Variants in ALDH1A1 observed in about 807,000 individuals in gnomAD.
ALDH1A1 encodes aldehyde dehydrogenase 1A1.
In ALDH1A1, 19 loss-of-function variants were observed where a neutral mutation model predicts 62.1. The observed-to-expected ratio is 0.31, with a 90% CI of 0.21 to 0.45. The LOEUF (loss-of-function observed/expected upper bound fraction) is 0.45. Ranked by LOEUF, ALDH1A1 falls within the 20% of genes least tolerant of loss-of-function variation. ALDH1A1 has a pLI of 1.00. For missense variants in ALDH1A1, 521 were observed against 607.1 expected (o/e 0.86, Z 1.49); for synonymous variants, 231 against 215.9 (o/e 1.07, Z -0.61).
intron 11 of ALDH1A1, among the ~76,000 whole-genome samples, chr9:72,908,434 CAAAAAAAAAAAAAAA>C (rs386415096): frequency 0.047 from 118 of 2,488 alleles, 4 homozygotes; most frequent in African/African-American, 0.15. Flanking sequence ...GACTCCAGCT[CAAAAAAAAAAAAAAA>C]AAAAAAAAAA....
Position 72,906,009 on chromosome 9 carries a change from C to G in ALDH1A1, c.1382G>C (p.Ser461Thr). ...GAATCCACCAAAGGGGCACTGGGCA[C>G]TTACCACGCCATAGCAATTCACCCT... ...TVWVNCYGVV[S>T]AQCPFGGFKM... is the part of the protein sequence containing the mutation. The change falls in exon 12 of 13, where the codon AGT becomes ACT. Residue 461 changes from serine (S) to threonine (T), a missense_variant. By Grantham distance (58) the Ser-to-Thr change is moderately conservative. Transcript: ENST00000297785. 6.2e-7 allele frequency: 1 copy of G among 1,612,444 alleles called. No homozygotes were observed. Among genetic ancestry groups the G allele is most frequent in the African/African-American group, 1.3e-5 (1 of 74,958 alleles).
rs755515967 is a variant in ALDH1A1 at position 72,930,849 on chromosome 9, A to G, written c.312+30T>C. 3.1e-6 allele frequency: 5 copies of G among 1,613,298 alleles called. No individual in the cohort carries two copies. The Admixed American group carries it at 8.3e-5, about 27-fold the overall frequency. ...AACGCTGAATGCTTTTGAGAGCTCT[A>G]GCTACCCATCCAGCTTGGATAATAC... On this transcript the variant is annotated intron_variant, in intron 3 of 12. Transcript: ENST00000297785.
At chr9:72,906,745 A>G (rs563529824) in intron 11 of ALDH1A1, among the ~76,000 whole-genome samples, 2 of 152,314 alleles carry the variant, frequency 1.3e-5, no homozygotes, top group African/African-American at 4.8e-5. Flanking sequence ...CTGGTGGCCA[A>G]AAGTTAGCAA....
Position 72,900,944 on chromosome 9 carries a change from A to G in ALDH1A1, c.*264T>C, listed in dbSNP as rs1327852109. The G allele has an allele frequency of 3.6e-6, 1 of 274,470 alleles. No homozygotes were observed. The highest frequency in any genetic ancestry group is 6.9e-6 in the Non-Finnish European group (1 of 145,590). 17.0% of individuals were successfully genotyped at this position (274,470 alleles called of 1,614,324 possible). A position where few individuals can be genotyped will look rare whatever the true frequency, so the allele number is the denominator to read the frequency against. On this transcript the variant is annotated 3_prime_UTR_variant, in exon 13 of 13. Coordinates refer to ENST00000297785, the MANE Select transcript of ALDH1A1 (RefSeq NM_000689.5). Reference sequence around the variant, plus strand: ...AGCTACAAAGGAAAATCACATAACTATGACAAAGCTAGAGAGATCATACAT... The same window carrying G: ...AGCTACAAAGGAAAATCACATAACTGTGACAAAGCTAGAGAGATCATACAT...
rs189352681 is a variant in ALDH1A1, at chr9:72,907,865, A to G, written c.1358+1737T>C. Among the ~76,000 whole-genome samples, 147 of 152,312 alleles carry G rather than the reference A, an allele frequency of 9.7e-4. 1 individual carries two copies. The highest frequency in any genetic ancestry group is 3.0e-3 in the African/African-American group (125 of 41,546). On this transcript the variant is annotated intron_variant, in intron 11 of 12. Coordinates refer to ENST00000297785, the MANE Select transcript of ALDH1A1 (RefSeq NM_000689.5). ...AATGCTTTTATCATAGGCAAATTCT[A>G]TATTCATCACTAGCTATACCGACTA... is the stretch of plus-strand genomic sequence containing the variant.
In ALDH1A1 at chr9:72,900,980, C is replaced by G; in HGVS notation, c.*228G>C. The G allele has an allele frequency of 2.7e-6, 1 of 370,062 alleles. No homozygotes were observed. Among genetic ancestry groups the G allele is most frequent in the Middle Eastern group, 7.3e-4 (1 of 1,366 alleles). 22.9% of individuals were successfully genotyped at this position (370,062 alleles called of 1,614,324 possible). A position where few individuals can be genotyped will look rare whatever the true frequency, so the allele number is the denominator to read the frequency against. On this transcript the variant is annotated 3_prime_UTR_variant, in exon 13 of 13. Transcript: ENST00000297785. ...AGAGAGATCATACATCCGAATTTGT[C>G]TTTTTTTATTTAGGATAGGACTTGG... is the stretch of plus-strand genomic sequence containing the variant.
chr9:72,912,010 T>G lies in ALDH1A1; in HGVS notation c.1148A>C (p.Gln383Pro), dbSNP rs1164295508. ...GPWGNKGYFV[Q>P]PTVFSNVTDE... is the part of the protein sequence containing the mutation. ...TGTAACATTAGAGAACACTGTGGGCTGGACAAAGTAGCCTTTATTCCCCCA... is the reference window on the plus strand; with the variant it reads ...TGTAACATTAGAGAACACTGTGGGCGGGACAAAGTAGCCTTTATTCCCCCA... The change falls in exon 10 of 13, where the codon CAG becomes CCG. Residue 383 changes from glutamine to proline, a missense_variant. By Grantham distance (76) the Gln-to-Pro change is moderately conservative. Coordinates refer to ENST00000297785, the MANE Select transcript of ALDH1A1 (RefSeq NM_000689.5). 1.2e-6 allele frequency: 2 copies of G among 1,613,912 alleles called. No individual in the cohort carries two copies. The highest frequency in any genetic ancestry group is 1.7e-5 in the Admixed American group (1 of 59,994).
intron 10 of ALDH1A1, among the ~76,000 whole-genome samples, chr9:72,910,287 T>C (rs1829966606): frequency 6.6e-6 from 1 of 152,192 alleles, no homozygotes; most frequent in Non-Finnish European, 1.5e-5. Flanking sequence ...CTCAGTAGAA[T>C]AGTTACTAAT....
intron 9 of ALDH1A1, among the ~76,000 whole-genome samples, chr9:72,915,904 G>A (rs975655587): frequency 6.6e-6 from 1 of 152,172 alleles, no homozygotes; most frequent in African/African-American, 2.4e-5. Context: ...GTCAAGAATA[G>A]CGTTTGGTTT....
chr9:72,925,938 T>TA (rs976645424), intron 5 of ALDH1A1, among the ~76,000 whole-genome samples: 2 of 152,218 alleles, frequency 1.3e-5, no homozygotes, highest in African/African-American at 4.8e-5. Flanking sequence ...TAAAAATGTT[T>TA]AAAAAGGATG....
intron 1 of ALDH1A1, among the ~76,000 whole-genome samples, chr9:72,947,324 C>G (rs942059052): frequency 4.6e-5 from 7 of 151,942 alleles, no homozygotes; most frequent in Non-Finnish European, 8.8e-5. Context: ...ACTGGAAGCT[C>G]TATTGTGAAG....
chr9:72,901,143 C>A lies in ALDH1A1; in HGVS notation c.*65G>T, dbSNP rs1395791473. On this transcript the variant is annotated 3_prime_UTR_variant, in exon 13 of 13. Transcript: ENST00000297785. ...AGAAAAATTTTGTCTTTAAAATCTA[C>A]TATATTAGTGACTGTAAGGAGATGC... The A allele has an allele frequency of 8.0e-7, 1 of 1,251,780 alleles. No individual in the cohort carries two copies. The highest frequency in any genetic ancestry group is 2.0e-5 in the Admixed American group (1 of 49,750). The allele number at this position is 1,251,780 out of a possible 1,614,324, so 77.5% of individuals were successfully genotyped here. A position where few individuals can be genotyped will look rare whatever the true frequency, so the allele number is the denominator to read the frequency against.
intron 10 of ALDH1A1, among the ~76,000 whole-genome samples, 186 bp downstream of exon 10, chr9:72,911,772 T>C (rs1829993595): frequency 6.6e-6 from 1 of 152,226 alleles, no homozygotes; most frequent in Admixed American, 6.5e-5. Flanking sequence ...GCTGGCCCCA[T>C]GGATCCCTTA....
chr9:72,909,820 A>T (rs921054474), intron 10 of ALDH1A1, 61 bp from the exon 11 acceptor site: 5 of 1,412,626 alleles, frequency 3.5e-6, no homozygotes, highest in African/African-American at 2.9e-5. Flanking sequence ...TTTAAATGAT[A>T]TCGTAGATTT....
intron 6 of ALDH1A1, 74 bp downstream of exon 6, chr9:72,925,410 C>T (rs1453435141): frequency 1.3e-6 from 2 of 1,535,062 alleles, no homozygotes; most frequent in Non-Finnish European, 1.8e-6. Context: ...TTTATAGTAG[C>T]AACAAATGAG....
intron 9 of ALDH1A1, among the ~76,000 whole-genome samples, chr9:72,916,656 T>C (rs1211384481): frequency 6.6e-6 from 1 of 152,116 alleles, no homozygotes; most frequent in Non-Finnish European, 1.5e-5. Context: ...GCCAAAAATG[T>C]AGAACATTTG....
At chr9:72,923,138 T>C (rs1830163112) in intron 7 of ALDH1A1, among the ~76,000 whole-genome samples, 1 of 152,218 alleles carries the variant, frequency 6.6e-6, no homozygotes, top group South Asian at 2.1e-4. Flanking sequence ...GAGCTAGTTC[T>C]AGTACCCATT....
chr9:72,939,180 C>T (rs1830383761), intron 2 of ALDH1A1, among the ~76,000 whole-genome samples: 1 of 152,120 alleles, frequency 6.6e-6, no homozygotes, highest in African/African-American at 2.4e-5. Flanking sequence ...ATTACTCAGC[C>T]TTTCTACTCT....
chr9:72,936,248 G>A (rs940029772), intron 2 of ALDH1A1, among the ~76,000 whole-genome samples: 11 of 152,154 alleles, frequency 7.2e-5, no homozygotes, highest in African/African-American at 2.7e-4. Context: ...TTAGGAAGGA[G>A]GTAAATCCCA....
Sources: allele counts gnomAD v4.1 joint callset (sites outside exome capture counted in the v4.1 genomes callset), GRCh38; gene constraint gnomAD v4.1.1; transcripts MANE v1.5; gene names NCBI Gene and HGNC (gene_info 2026-07-23, HGNC 2026-07-21).